The following ADGRL3 variants were observed in gnomAD, a reference collection of about 807,000 sequenced individuals.
The protein encoded by ADGRL3 is adhesion G protein-coupled receptor L3, also known as calcium-independent alpha-latrotoxin receptor 3.
A neutral mutation model predicts 153.5 loss-of-function variants in ADGRL3; 62 were observed. That is an observed-to-expected ratio of 0.40 (90% CI 0.33 to 0.50). The LOEUF is 0.50. Ranked by LOEUF, ADGRL3 falls within the 20% of genes least tolerant of loss-of-function variation. The probability of loss-of-function intolerance (pLI) is 0.47; values close to 1 mark genes in which losing one functional copy is unlikely to be tolerated. For synonymous variants in ADGRL3, 710 were observed against 672.5 expected, an observed-to-expected ratio of 1.06 and a Z score of -0.86; for missense variants, 1,641 against 1,859.4, an observed-to-expected ratio of 0.88 and a Z score of 2.16.
chr4:62,009,174 C>A lies in ADGRL3; in HGVS notation c.3395+10909C>A, dbSNP rs76297467. Among the ~76,000 whole-genome samples, 151 of 152,162 alleles carry A rather than the reference C, an allele frequency of 9.9e-4. 3 individuals carry two copies. In the East Asian group the frequency reaches 0.028, roughly 28 times the overall value. On this transcript the variant is annotated intron_variant, in intron 21 of 26. Transcript: ENST00000683033. ...TATGCTTTCTAGAAAAGGCAACTGT[C>A]GAAAGGCTTTATTAACAAATAAAAA...
intron 1 of ADGRL3, among the ~76,000 whole-genome samples, chr4:61,273,687 C>T (rs2093320340): frequency 6.6e-6 from 1 of 152,100 alleles, no homozygotes; most frequent in African/African-American, 2.4e-5. Context: ...GCTTCAGATA[C>T]TTTCAGATTT....
intron 1 of ADGRL3, among the ~76,000 whole-genome samples, chr4:61,279,292 G>A (rs2093621451): frequency 6.6e-6 from 1 of 152,102 alleles, no homozygotes; most frequent in Admixed American, 6.6e-5. Flanking sequence ...TTTCTGAGTA[G>A]TATTTTGTTT....
rs188547868 is a variant in ADGRL3 at position 61,334,769 on chromosome 4, C to G, written c.-239-48355C>G. Among the ~76,000 whole-genome samples, 23 of 152,052 alleles carry G rather than the reference C, an allele frequency of 1.5e-4. No homozygotes were observed. In the East Asian group the frequency reaches 1.9e-3, roughly 13 times the overall value. On this transcript the variant is annotated intron_variant, in intron 1 of 26. Coordinates refer to ENST00000683033, the MANE Select transcript of ADGRL3 (RefSeq NM_001387552.1). ...CTTTGCTAGGCAAGAATATAAAGTACGTCTTTTTCAAATTCAATTGAGTTA... is the reference window on the plus strand; with the variant it reads ...CTTTGCTAGGCAAGAATATAAAGTAGGTCTTTTTCAAATTCAATTGAGTTA...
At chr4:61,368,400 T>C (rs2096450769) in intron 1 of ADGRL3, among the ~76,000 whole-genome samples, 1 of 152,218 alleles carries the variant, frequency 6.6e-6, no homozygotes, top group South Asian at 2.1e-4. Context: ...GAATTGATTT[T>C]TGTATAAGGT....
intron 6 of ADGRL3, among the ~76,000 whole-genome samples, chr4:61,695,397 T>C (rs762285332): frequency 6.6e-6 from 1 of 152,200 alleles, no homozygotes; most frequent in Non-Finnish European, 1.5e-5. Flanking sequence ...AGGTGTATTG[T>C]CAATGAGTAG....
intron 3 of ADGRL3, among the ~76,000 whole-genome samples, chr4:61,516,466 C>A (rs1025539824): frequency 2.6e-5 from 4 of 151,868 alleles, no homozygotes; most frequent in African/African-American, 9.7e-5. Context: ...AAACTAGTTG[C>A]AAATAGTGTA....
chr4:61,439,737 G>A (rs1320417838), intron 2 of ADGRL3, among the ~76,000 whole-genome samples: 2 of 152,072 alleles, frequency 1.3e-5, no homozygotes, highest in Non-Finnish European at 2.9e-5. Context: ...AGTTTGCTGA[G>A]AATGGTGGTT....
At chr4:61,756,798 A>T (rs972537023) in intron 8 of ADGRL3, among the ~76,000 whole-genome samples, 3 of 152,164 alleles carry the variant, frequency 2.0e-5, no homozygotes, top group Non-Finnish European at 4.4e-5. Flanking sequence ...TGTCCCATCA[A>T]TACCTAATTT....
rs114354937 is a variant in ADGRL3 at position 61,809,949 on chromosome 4, G to A, written c.1400-3860G>A. Among the ~76,000 whole-genome samples the A allele has an allele frequency of 3.1e-3, 466 of 152,096 alleles. 1 individual carries two copies. The highest frequency in any genetic ancestry group is 0.01 in the African/African-American group (433 of 41,498). On this transcript the variant is annotated intron_variant, in intron 8 of 26. Coordinates refer to ENST00000683033, the MANE Select transcript of ADGRL3 (RefSeq NM_001387552.1). ...TTGTTATAATCCTCATTAAACAAAC[G>A]AGGAATTTAAGGCACATAGAAGTGA...
intron 1 of ADGRL3, among the ~76,000 whole-genome samples, chr4:61,367,894 C>G (rs1469394346): frequency 6.8e-6 from 1 of 146,616 alleles, no homozygotes; most frequent in Admixed American, 6.9e-5. Flanking sequence ...TCCTCTCCAG[C>G]ACCTGTTGTT....
intron 21 of ADGRL3, among the ~76,000 whole-genome samples, chr4:62,003,127 G>A (rs1231751801): frequency 6.6e-6 from 1 of 152,038 alleles, no homozygotes; most frequent in Non-Finnish European, 1.5e-5. Context: ...AAAGAACATT[G>A]GTGCCTATGT....
At chr4:61,583,900 T>C (rs73822688) in intron 4 of ADGRL3, among the ~76,000 whole-genome samples, 1 of 151,994 alleles carries the variant, frequency 6.6e-6, no homozygotes, top group Non-Finnish European at 1.5e-5. Flanking sequence ...TATTACGTTA[T>C]GAGTCACTCC....
chr4:61,574,213 C>A lies in ADGRL3; in HGVS notation c.260-13014C>A, dbSNP rs2098852600. 3.3e-5 allele frequency among the ~76,000 whole-genome samples: 5 copies of A among 151,970 alleles called. No homozygotes were observed. The South Asian group carries it at 1.0e-3, about 32-fold the overall frequency. On this transcript the variant is annotated intron_variant, in intron 4 of 26. Transcript: ENST00000683033. ...ATTACTAGAAAGATAATTAAAAATG[C>A]ACATTTTTCGTAAAGCAGCCATATG... is the stretch of plus-strand genomic sequence containing the variant.
chr4:61,306,916 T>C (rs1272947104), intron 1 of ADGRL3, among the ~76,000 whole-genome samples: 1 of 152,210 alleles, frequency 6.6e-6, no homozygotes, highest in Non-Finnish European at 1.5e-5. Flanking sequence ...GCCCAAGGGC[T>C]ACAGCTACCA....
chr4:61,341,525 T>TTATA (rs1030743657), intron 1 of ADGRL3, among the ~76,000 whole-genome samples: 1 of 150,882 alleles, frequency 6.6e-6, no homozygotes, highest in African/African-American at 2.4e-5. Context: ...TATATATTTA[T>TTATA]TATATATATA....
intron 1 of ADGRL3, among the ~76,000 whole-genome samples, chr4:61,363,842 TTAAG>T (rs1047025593): frequency 2.6e-5 from 4 of 152,054 alleles, no homozygotes; most frequent in Admixed American, 2.0e-4. Context: ...CAAAAGTACT[TTAAG>T]TAAGTTCATG....
chr4:61,742,834 A>G (rs1162695083), intron 8 of ADGRL3, among the ~76,000 whole-genome samples: 1 of 152,192 alleles, frequency 6.6e-6, no homozygotes, highest in Non-Finnish European at 1.5e-5. Context: ...AGAACACTTC[A>G]TCTTATTTAC....
intron 5 of ADGRL3, among the ~76,000 whole-genome samples, chr4:61,606,964 A>G (rs2343250): frequency 0.64 from 96,659 of 151,930 alleles, 32,798 homozygotes; most frequent in East Asian, 0.91. Flanking sequence ...GGTTCTTCCT[A>G]CCCTCTACAC....
At chr4:61,877,315 A>G (rs916336462) in intron 9 of ADGRL3, among the ~76,000 whole-genome samples, 2 of 152,214 alleles carry the variant, frequency 1.3e-5, no homozygotes, top group African/African-American at 4.8e-5. Context: ...GTATGATTTC[A>G]TTTATATAAC....
Sources: allele counts gnomAD v4.1 joint callset (sites outside exome capture counted in the v4.1 genomes callset), GRCh38; gene constraint gnomAD v4.1.1; transcripts MANE v1.5; gene names NCBI Gene and HGNC (gene_info 2026-07-23, HGNC 2026-07-21).